The following PLCG2 variants were observed in gnomAD, a reference collection of about 807,000 sequenced individuals.
PLCG2 encodes 1-phosphatidylinositol 4,5-bisphosphate phosphodiesterase gamma-2.
Under a neutral mutation model 175.6 loss-of-function variants are expected in PLCG2, and 69 were observed. That is an observed-to-expected ratio of 0.39 (90% CI 0.32 to 0.48). PLCG2 has a LOEUF of 0.48. PLCG2 is among the 20% of genes least tolerant of loss of function. The probability of loss-of-function intolerance (pLI) is 0.91; values close to 1 mark genes in which losing one functional copy is unlikely to be tolerated. For synonymous variants in PLCG2, 827 were observed against 624.0 expected, an observed-to-expected ratio of 1.33 and a Z score of -4.85; for missense variants, 1,798 against 1,650.9, an observed-to-expected ratio of 1.09 and a Z score of -1.54.
At chr16:81,874,184 T>C (rs1373741866) in intron 7 of PLCG2, among the ~76,000 whole-genome samples, 1 of 152,226 alleles carries the variant, frequency 6.6e-6, no homozygotes, top group African/African-American at 2.4e-5. Context: ...TATTAAAATC[T>C]AGATATTTGG....
chr16:81,903,711 C>T (rs374224219), intron 14 of PLCG2, among the ~76,000 whole-genome samples: 8 of 152,240 alleles, frequency 5.3e-5, no homozygotes, highest in African/African-American at 1.4e-4. Context: ...GGTGAGTCTT[C>T]GGGGCAGCCT....
chr16:81,901,165 G>A (rs775001570), intron 14 of PLCG2, among the ~76,000 whole-genome samples: 10 of 152,178 alleles, frequency 6.6e-5, no homozygotes, highest in Non-Finnish European at 1.0e-4. Context: ...AGCCCCATGC[G>A]AGGTGCTGGA....
chr16:81,825,882 A>C (rs1201114482), intron 2 of PLCG2, among the ~76,000 whole-genome samples: 1 of 152,204 alleles, frequency 6.6e-6, no homozygotes, highest in Non-Finnish European at 1.5e-5. Flanking sequence ...GACAAGGCTA[A>C]GATTGTCACA....
At position 81,854,389 on chromosome 16, in the gene PLCG2, T is replaced by C. The variant is rs1597356161; in HGVS notation, c.194-55T>C. The C allele has an allele frequency of 3.9e-6, 6 of 1,550,412 alleles. No homozygotes were observed. The East Asian group carries it at 1.3e-4, about 35-fold the overall frequency. On this transcript the variant is annotated intron_variant, in intron 2 of 32. Transcript: ENST00000564138. ...CCTGGGCTGCAGTTGTGTGGCTGCA[T>C]CCTCAGGTGGAGGGAACTCCAGCTT... is the stretch of plus-strand genomic sequence containing the variant.
chr16:81,934,522 G>C lies in PLCG2; in HGVS notation c.2833G>C (p.Asp945His). The C allele has an allele frequency of 6.3e-7, 1 of 1,599,630 alleles. No individual in the cohort carries two copies. The highest frequency in any genetic ancestry group is 1.1e-5 in the South Asian group (1 of 90,714). The stretch of plus-strand genomic sequence containing the variant: ...CTGCAAACCAACCAGCAAAACCAAG[G>C]ACAACTTAGGTAACATCTTTCCCAA... ...VYCKPTSKTK[D>H]NLENPDFREI... Residue 945 changes from aspartate (D) to histidine (H), a missense_variant, in exon 26 of 33, where the codon GAC (aspartate) becomes CAC (histidine). By Grantham distance (81) the Asp-to-His change is moderately conservative (BLOSUM62 -1). Coordinates refer to ENST00000564138, the MANE Select transcript of PLCG2 (RefSeq NM_002661.5).
chr16:81,864,638 C>G (rs542001638), intron 5 of PLCG2, among the ~76,000 whole-genome samples: 1 of 152,314 alleles, frequency 6.6e-6, no homozygotes, highest in East Asian at 1.9e-4. Flanking sequence ...GTGAAGGGTG[C>G]GTGGACCTGC....
chr16:81,893,591 A>T, intron 11 of PLCG2, 118 bp from the exon 12 acceptor site: 2 of 691,142 alleles, frequency 2.9e-6, no homozygotes, highest in Non-Finnish European at 5.2e-6. Context: ...ACATGGAAGA[A>T]CTCAGAGCTT....
chr16:81,900,243 G>A (rs183963322), intron 13 of PLCG2, among the ~76,000 whole-genome samples: 1 of 152,352 alleles, frequency 6.6e-6, no homozygotes, highest in Non-Finnish European at 1.5e-5. Flanking sequence ...GTGACCCTGG[G>A]TGAAGCACAC....
chr16:81,744,549 C>T (rs1362191775), intron 1 of PLCG2, among the ~76,000 whole-genome samples: 3 of 152,072 alleles, frequency 2.0e-5, no homozygotes, highest in Non-Finnish European at 2.9e-5. Flanking sequence ...TTTGGCACTC[C>T]ATAAATAGCA....
At chr16:81,834,707 T>G (rs1905424304) in intron 2 of PLCG2, among the ~76,000 whole-genome samples, 1 of 151,986 alleles carries the variant, frequency 6.6e-6, no homozygotes. Flanking sequence ...CTGAGCAGGG[T>G]GGGGAGGAGA....
At chr16:81,934,341 A>C in intron 25 of PLCG2, 88 bp from the exon 26 acceptor site, 1 of 770,896 alleles carries the variant, frequency 1.3e-6, no homozygotes, top group Admixed American at 2.1e-5. Flanking sequence ...AAGAAAGCAA[A>C]GTGGGGATGG....
intron 13 of PLCG2, among the ~76,000 whole-genome samples, chr16:81,898,912 C>T (rs546399897): frequency 6.6e-6 from 1 of 152,262 alleles, no homozygotes; most frequent in Non-Finnish European, 1.5e-5. Flanking sequence ...AGGCTGGGCA[C>T]AGTGGCTCAC....
intron 1 of PLCG2, among the ~76,000 whole-genome samples, chr16:81,747,597 C>T (rs1476107691): frequency 6.6e-6 from 1 of 152,112 alleles, no homozygotes; most frequent in East Asian, 1.9e-4. Flanking sequence ...AAGTCATCTA[C>T]ACATCTGTGG....
rs1207955799 is a variant in PLCG2 at position 81,961,944 on chromosome 16, G to C, written c.*3946G>C. 15 of 197,308 alleles carry C rather than the reference G, an allele frequency of 7.6e-5. No individual in the cohort carries two copies. The East Asian group carries it at 1.1e-3, about 15-fold the overall frequency. 12.2% of individuals were successfully genotyped at this position (197,308 alleles called of 1,614,324 possible). ...GCTGATCGGATGTGAGGGCGATCTG[G>C]CTGCGACATCTGTCACCCCATTGAT... On this transcript the variant is annotated 3_prime_UTR_variant, in exon 33 of 33. Transcript: ENST00000564138.
intron 7 of PLCG2, among the ~76,000 whole-genome samples, chr16:81,878,931 G>T (rs1907947315): frequency 6.6e-6 from 1 of 152,078 alleles, no homozygotes; most frequent in Admixed American, 6.6e-5. Flanking sequence ...AGGTGCCTGT[G>T]CCAATGAGCT....
intron 31 of PLCG2, among the ~76,000 whole-genome samples, chr16:81,951,054 C>G (rs1259080418): frequency 6.6e-6 from 1 of 152,176 alleles, no homozygotes; most frequent in Non-Finnish European, 1.5e-5. Context: ...GTGGTGTGAT[C>G]ATGGCTCACT....
Position 81,822,001 on chromosome 16 carries a change from G to T in PLCG2, c.194-32443G>T, listed in dbSNP as rs1904820866. ...ACTTCGCTGAGCCTTCTCTTTTCCT[G>T]TGTTAACTAGGGAAGATGAGACTAG... On this transcript the variant is annotated intron_variant, in intron 2 of 32. Transcript: ENST00000564138. 1.3e-5 allele frequency among the ~76,000 whole-genome samples: 2 copies of T among 152,022 alleles called. 1 individual carries two copies.
intron 26 of PLCG2, among the ~76,000 whole-genome samples, chr16:81,934,939 G>A (rs1567539815): frequency 2.0e-5 from 3 of 152,126 alleles, no homozygotes; most frequent in Non-Finnish European, 4.4e-5. Context: ...CCACCCCCAT[G>A]ATTCAATTAT....
chr16:81,937,720 A>T, intron 27 of PLCG2, 38 bp from the exon 28 acceptor site: 2 of 1,601,974 alleles, frequency 1.2e-6, no homozygotes, highest in East Asian at 2.3e-5. Flanking sequence ...CAGCGTGCTC[A>T]TGCCTGACTT....
Sources: gnomAD v4.1 joint callset for allele counts (sites outside exome capture counted in the v4.1 genomes callset) on GRCh38, gnomAD v4.1.1 for gene constraint, MANE v1.5 for transcripts, NCBI Gene and HGNC (gene_info 2026-07-23, HGNC 2026-07-21) for gene names.